The following SLCO2A1 variants were observed in gnomAD, a reference collection of about 807,000 sequenced individuals.
The protein encoded by SLCO2A1 is solute carrier organic anion transporter family member 2A1, also known as matrin F/G 1.
In SLCO2A1, 60 loss-of-function variants were observed where a neutral mutation model predicts 71.7. That is an observed-to-expected ratio of 0.84 (90% CI 0.68 to 1.04). The LOEUF is 1.04. Ranked by LOEUF, SLCO2A1 falls within the 50% of genes least tolerant of loss-of-function variation. SLCO2A1 has a pLI of 0.00. For synonymous variants in SLCO2A1, 308 were observed against 326.7 expected (o/e 0.94, Z 0.62); for missense variants, 745 against 813.4 (o/e 0.92, Z 1.02).
rs190568605 is a variant in SLCO2A1, at chr3:133,949,093, G to A, written c.862-122C>T. The A allele has an allele frequency of 4.3e-3, 3,259 of 759,770 alleles. 14 individuals carry two copies. The highest frequency in any genetic ancestry group is 6.4e-3 in the Non-Finnish European group (2,788 of 438,366). The allele number at this position is 759,770 out of a possible 1,614,324, so 47.1% of individuals were successfully genotyped here. A position where few individuals can be genotyped will look rare whatever the true frequency, so the allele number is the denominator to read the frequency against. On this transcript the variant is annotated intron_variant, in intron 6 of 13. Coordinates refer to ENST00000310926, the MANE Select transcript of SLCO2A1 (RefSeq NM_005630.3). ...GGGTGGAGGTGAGCCCCCTCCAGGCGTGTGTGCATGGGAGGGCATCCAGAG... is the reference window on the plus strand; with the variant it reads ...GGGTGGAGGTGAGCCCCCTCCAGGCATGTGTGCATGGGAGGGCATCCAGAG...
chr3:133,998,425 C>T (rs1935027006), intron 1 of SLCO2A1, among the ~76,000 whole-genome samples: 1 of 152,198 alleles, frequency 6.6e-6, no homozygotes, highest in Non-Finnish European at 1.5e-5. Flanking sequence ...CACCCCTTGA[C>T]CTGTCTTGCC....
chr3:133,937,035 C>T (rs1047095199), intron 12 of SLCO2A1, among the ~76,000 whole-genome samples: 1 of 152,026 alleles, frequency 6.6e-6, no homozygotes, highest in Non-Finnish European at 1.5e-5. Context: ...TCATTGTGGT[C>T]CCACATTGAG....
At chr3:134,029,051 C>T (rs1277042824) in intron 1 of SLCO2A1, among the ~76,000 whole-genome samples, 1 of 152,190 alleles carries the variant, frequency 6.6e-6, no homozygotes, top group Non-Finnish European at 1.5e-5. Flanking sequence ...GGGGCCATTT[C>T]CAGACCAGGG....
chr3:133,945,217 C>G lies in SLCO2A1; in HGVS notation c.1339G>C (p.Asp447His). The G allele has an allele frequency of 6.2e-7, 1 of 1,613,838 alleles. No homozygotes were observed. The highest frequency in any genetic ancestry group is 8.5e-7 in the Non-Finnish European group (1 of 1,179,900). ...AAGATAGAATCTGGGCACGAGCAGT[C>G]CCTGCGGCAGGCAGGAGACTGCGGA... The part of the protein sequence containing the change: ...IHPQSPACRR[D>H]CSCPDSIFHP... Residue 447 changes from aspartate (D) to histidine (H), a missense_variant, in exon 10 of 14, where the codon GAC becomes CAC. Coordinates refer to ENST00000310926, the MANE Select transcript of SLCO2A1 (RefSeq NM_005630.3).
At chr3:133,938,394 G>T in intron 12 of SLCO2A1, 35 bp downstream of exon 12, 1 of 1,597,424 alleles carries the variant, frequency 6.3e-7, no homozygotes, top group African/African-American at 1.3e-5. Flanking sequence ...ATCGCCTGGG[G>T]CCACTTCTTG....
At chr3:133,935,717 C>T (rs1246532967) in intron 13 of SLCO2A1, 57 bp downstream of exon 13, 4 of 1,498,192 alleles carry the variant, frequency 2.7e-6, no homozygotes, top group South Asian at 2.9e-5. Flanking sequence ...CATATGACTA[C>T]TGTCATCTCA....
At chr3:133,981,987 A>G (rs112466891) in intron 1 of SLCO2A1, among the ~76,000 whole-genome samples, 2 of 150,728 alleles carry the variant, frequency 1.3e-5, no homozygotes, top group Non-Finnish European at 1.5e-5. Context: ...AAAAAAAAAA[A>G]AAAAAAACAA....
intron 1 of SLCO2A1, among the ~76,000 whole-genome samples, chr3:134,017,292 T>C (rs966935060): frequency 2.6e-5 from 4 of 152,228 alleles, no homozygotes; most frequent in African/African-American, 9.6e-5. Context: ...GCACTATTTT[T>C]CCTATGAATC....
At position 133,996,431 on chromosome 3, in the gene SLCO2A1, C is replaced by T. The variant is rs78193128; in HGVS notation, c.97-16813G>A. ...AGAAGGTAGGACGGACGTGCATGGACGCCTGTCGGCTCTCCCCAGTGCTCT... is the reference window on the plus strand; with the variant it reads ...AGAAGGTAGGACGGACGTGCATGGATGCCTGTCGGCTCTCCCCAGTGCTCT... On this transcript the variant is annotated intron_variant, in intron 1 of 13. Coordinates refer to ENST00000310926, the MANE Select transcript of SLCO2A1 (RefSeq NM_005630.3). Among the ~76,000 whole-genome samples the T allele has an allele frequency of 3.8e-4, 58 of 152,340 alleles. 1 individual carries two copies. Among genetic ancestry groups the T allele is most frequent in the East Asian group, 3.5e-3 (18 of 5,186 alleles).
chr3:133,953,707 G>A lies in SLCO2A1; in HGVS notation c.680C>T (p.Ser227Phe). The A allele has an allele frequency of 6.2e-7, 1 of 1,614,178 alleles. No homozygotes were observed. Among genetic ancestry groups the A allele is most frequent in the Non-Finnish European group, 8.5e-7 (1 of 1,180,038 alleles). ...GTCCACAAAGATCTGCAGCATGACA[G>A]AGCCCAGCAGGTACCCGAAAGCCGG... is the stretch of plus-strand genomic sequence containing the variant. ...FGPAFGYLLG[S>F]VMLQIFVDYG... The change falls in exon 5 of 14, where the codon TCT (serine) becomes TTT (phenylalanine). Residue 227 changes from serine (S) to phenylalanine (F), a missense_variant. By Grantham distance (155) the Ser-to-Phe change is radical. Coordinates refer to ENST00000310926, the MANE Select transcript of SLCO2A1 (RefSeq NM_005630.3).
At chr3:134,029,655 A>G in intron 1 of SLCO2A1, 52 bp downstream of exon 1, 1 of 1,443,698 alleles carries the variant, frequency 6.9e-7, no homozygotes, top group Admixed American at 2.0e-5. Context: ...TGCCCAGCCG[A>G]AGGTGCGCCA....
rs149759994 is a variant in SLCO2A1 at position 134,008,113 on chromosome 3, C to T, written c.96+21594G>A. Among the ~76,000 whole-genome samples, 911 of 152,310 alleles carry T rather than the reference C, an allele frequency of 6.0e-3. 3 individuals are homozygous for T. The highest frequency in any genetic ancestry group is 0.015 in the African/African-American group (621 of 41,570). Reference sequence around the variant, plus strand: ...CTGATTCACAGTCGTGCTCCCCATACGGAGGTTCTGTATGAGAACCGTGAA... The same window carrying T: ...CTGATTCACAGTCGTGCTCCCCATATGGAGGTTCTGTATGAGAACCGTGAA... On this transcript the variant is annotated intron_variant, in intron 1 of 13. Coordinates refer to ENST00000310926, the MANE Select transcript of SLCO2A1 (RefSeq NM_005630.3).
chr3:133,972,231 C>T (rs372973999), intron 3 of SLCO2A1, among the ~76,000 whole-genome samples: 9 of 152,024 alleles, frequency 5.9e-5, no homozygotes, highest in South Asian at 2.1e-4. Context: ...ATATGTAGTG[C>T]CATTCAAATT....
chr3:134,024,350 T>A (rs1935655700), intron 1 of SLCO2A1, among the ~76,000 whole-genome samples: 1 of 152,234 alleles, frequency 6.6e-6, no homozygotes, highest in South Asian at 2.1e-4. Flanking sequence ...AAGCTTGAAA[T>A]CAAATAGCTG....
At chr3:133,935,359 C>T (rs1559926369) in intron 13 of SLCO2A1, among the ~76,000 whole-genome samples, 1 of 152,188 alleles carries the variant, frequency 6.6e-6, no homozygotes, top group African/African-American at 2.4e-5. Flanking sequence ...AGGTTGGTCC[C>T]CCTGCCCTGG....
intron 12 of SLCO2A1, among the ~76,000 whole-genome samples, chr3:133,936,624 C>T (rs13064020): frequency 2.0e-5 from 3 of 152,068 alleles, no homozygotes; most frequent in Non-Finnish European, 2.9e-5. Context: ...TACTGGACTG[C>T]GGAGGGCTTG....
Position 133,945,183 on chromosome 3 carries a change from A to G in SLCO2A1, c.1373T>C (p.Val458Ala), listed in dbSNP as rs748955819. 1.3e-5 allele frequency: 21 copies of G among 1,614,162 alleles called. No individual in the cohort carries two copies. In the South Asian group the frequency reaches 2.1e-4, roughly 16 times the overall value. Residue 458 changes from valine (V) to alanine (A), a missense_variant, in exon 10 of 14, where the codon GTC becomes GCC. Coordinates refer to ENST00000310926, the MANE Select transcript of SLCO2A1 (RefSeq NM_005630.3). ...GTACTCGATTCCATTGTCTCCACAG[A>G]CCGGGTGGAAGATAGAATCTGGGCA... Reference protein sequence around the residue: ...CSCPDSIFHPVCGDNGIEYLS... With the variant: ...CSCPDSIFHPACGDNGIEYLS...
At chr3:133,989,375 C>CT (rs1934787493) in intron 1 of SLCO2A1, among the ~76,000 whole-genome samples, 2 of 152,276 alleles carry the variant, frequency 1.3e-5, no homozygotes, top group Non-Finnish European at 2.9e-5. Context: ...ATGCCAAGGA[C>CT]CTGGACAACT....
At chr3:134,011,092 C>A (rs1935331935) in intron 1 of SLCO2A1, among the ~76,000 whole-genome samples, 1 of 152,062 alleles carries the variant, frequency 6.6e-6, no homozygotes, top group Non-Finnish European at 1.5e-5. Context: ...CTGCTGTTGC[C>A]CAGGCTGGAG....
Sources: allele counts gnomAD v4.1 joint callset (sites outside exome capture counted in the v4.1 genomes callset), GRCh38; gene constraint gnomAD v4.1.1; transcripts MANE v1.5; gene names NCBI Gene and HGNC (gene_info 2026-07-23, HGNC 2026-07-21).